Variants in CHL1 observed in about 807,000 individuals in gnomAD.
The protein encoded by CHL1 is neural cell adhesion molecule L1-like protein.
In CHL1, 96 loss-of-function variants were observed where a neutral mutation model predicts 141.9. The ratio of observed to expected loss-of-function variants is 0.68; its 90% CI spans 0.57 to 0.80. The LOEUF (loss-of-function observed/expected upper bound fraction) is 0.80. CHL1 is among the 30% of genes least tolerant of loss of function. The pLI, the probability that CHL1 is intolerant of heterozygous loss-of-function variation, is 0.00. For synonymous variants in CHL1, 613 were observed against 502.2 expected (o/e 1.22, Z -2.95); for missense variants, 1,820 against 1,457.2 (o/e 1.25, Z -4.05).
chr3:363,499 C>A, intron 14 of CHL1, 116 bp downstream of exon 14: 5 of 968,188 alleles, frequency 5.2e-6, no homozygotes, highest in Middle Eastern at 2.8e-4. Flanking sequence ...TTCTTTGAAC[C>A]GTTTTTCAAA....
In CHL1 at chr3:407,787, C is replaced by T. The variant is rs1281910055; in HGVS notation, c.*2076C>T. ...TCAAAAATATTTAGGAATTTAATAACCTTTAAGTCAGAAACTAAAACAAAT... is the reference window on the plus strand; with the variant it reads ...TCAAAAATATTTAGGAATTTAATAATCTTTAAGTCAGAAACTAAAACAAAT... On this transcript the variant is annotated 3_prime_UTR_variant, in exon 28 of 28. Coordinates refer to ENST00000256509, the MANE Select transcript of CHL1 (RefSeq NM_006614.4). 6.6e-6 allele frequency: 1 copy of T among 152,074 alleles called. No homozygotes were observed. The highest frequency in any genetic ancestry group is 1.5e-5 in the Non-Finnish European group (1 of 68,002). The allele number at this position is 152,074 out of a possible 1,614,324, so 9.4% of individuals were successfully genotyped here.
At chr3:332,401 T>G (rs1701510704) in intron 5 of CHL1, among the ~76,000 whole-genome samples, 2 of 152,126 alleles carry the variant, frequency 1.3e-5, no homozygotes, top group African/African-American at 2.4e-5. Context: ...GTAATGGAAG[T>G]AAAAATTGGA....
chr3:333,133 A>ATTTTTTTTTTTTTTTT (rs58730049), intron 5 of CHL1, among the ~76,000 whole-genome samples: 1 of 99,480 alleles, frequency 1.0e-5, no homozygotes, highest in Non-Finnish European at 1.9e-5. Flanking sequence ...TATTTTTTTT[A>ATTTTTTTTTTTTTTTT]TTTTTTTTTT....
intron 15 of CHL1, among the ~76,000 whole-genome samples, chr3:375,910 C>G (rs1482348274): frequency 6.6e-6 from 1 of 152,132 alleles, no homozygotes; most frequent in Non-Finnish European, 1.5e-5. Context: ...GGATATTACT[C>G]AGCTGAACAG....
intron 2 of CHL1, among the ~76,000 whole-genome samples, chr3:290,534 G>T (rs1270320912): frequency 6.6e-6 from 1 of 152,092 alleles, no homozygotes; most frequent in East Asian, 1.9e-4. Context: ...CTTGATTTCT[G>T]TTTGCTTAAT....
Position 366,032 on chromosome 3 carries a change from T to C in CHL1, c.1668T>C (p.Cys556=). The C allele has an allele frequency of 1.2e-6, 2 of 1,613,702 alleles. No homozygotes were observed. The highest frequency in any genetic ancestry group is 1.1e-5 in the South Asian group (1 of 91,064). The change falls in exon 15 of 28, where the codon TGT becomes TGC. Residue 556 remains cysteine (C), a synonymous_variant. Transcript: ENST00000256509. ...HMLELHCESK[C]DSHLKHSLKL... ...TTGAATTACATTGTGAAAGCAAATGTGACTCACATTTGAAACACAGTTTGA... is the reference window on the plus strand; with the variant it reads ...TTGAATTACATTGTGAAAGCAAATGCGACTCACATTTGAAACACAGTTTGA...
rs760894267 is a variant in CHL1 at position 390,736 on chromosome 3, G to A, written c.2506G>A (p.Val836Ile). ...AGCTCCAGTGATCCATGGGGTGGAC[G>A]TTATAAACAGTACATTAGTTAAAGT... ...DTAPVIHGVD[V>I]INSTLVKVTW... is the part of the protein sequence containing the mutation. The change falls in exon 21 of 28, where the codon GTT becomes ATT. Residue 836 changes from valine to isoleucine, a missense_variant. By Grantham distance (29) the Val-to-Ile change is conservative. Coordinates refer to ENST00000256509, the MANE Select transcript of CHL1 (RefSeq NM_006614.4). 9.3e-6 allele frequency: 15 copies of A among 1,609,150 alleles called. No homozygotes were observed. The East Asian group carries it at 1.3e-4, about 14-fold the overall frequency.
At chr3:397,190 A>C (rs1042500378) in intron 24 of CHL1, among the ~76,000 whole-genome samples, 3 of 152,086 alleles carry the variant, frequency 2.0e-5, no homozygotes, top group African/African-American at 7.2e-5. Flanking sequence ...GCACTACTTA[A>C]TGTTATACTA....
intron 2 of CHL1, among the ~76,000 whole-genome samples, chr3:289,834 A>G (rs1161630517): frequency 6.6e-6 from 1 of 151,854 alleles, no homozygotes; most frequent in African/African-American, 2.4e-5. Flanking sequence ...CATTTACTTA[A>G]TACATATTGA....
At chr3:334,602 A>G (rs1295243852) in intron 5 of CHL1, among the ~76,000 whole-genome samples, 1 of 152,230 alleles carries the variant, frequency 6.6e-6, no homozygotes, top group East Asian at 1.9e-4. Context: ...AGTAGCATAT[A>G]TCAGTAGTTT....
intron 5 of CHL1, among the ~76,000 whole-genome samples, chr3:331,560 C>T (rs532504617): frequency 1.3e-5 from 2 of 152,044 alleles, no homozygotes; most frequent in African/African-American, 2.4e-5. Flanking sequence ...TTTCTTTAGT[C>T]ATATTAAAGC....
intron 1 of CHL1, among the ~76,000 whole-genome samples, chr3:239,013 G>C (rs1053124377): frequency 2.0e-5 from 3 of 151,650 alleles, no homozygotes; most frequent in African/African-American, 4.9e-5. Context: ...CACACATGTA[G>C]CTTATATAGC....
chr3:330,765 A>ACG (rs1701375267), intron 5 of CHL1, among the ~76,000 whole-genome samples: 1 of 151,976 alleles, frequency 6.6e-6, no homozygotes, highest in Admixed American at 6.6e-5. Flanking sequence ...GGCAAACTTC[A>ACG]GTAGAAATTA....
At chr3:285,232 A>G (rs539915087) in intron 2 of CHL1, among the ~76,000 whole-genome samples, 9 of 152,374 alleles carry the variant, frequency 5.9e-5, no homozygotes, top group Non-Finnish European at 1.2e-4. Context: ...AATTCTGTAA[A>G]GGGAAGAGAT....
intron 9 of CHL1, among the ~76,000 whole-genome samples, chr3:347,600 G>T (rs1296420623): frequency 2.6e-5 from 4 of 152,166 alleles, no homozygotes; most frequent in African/African-American, 9.7e-5. Flanking sequence ...CTTGCTGAAA[G>T]TGAGTTACTT....
intron 12 of CHL1, among the ~76,000 whole-genome samples, chr3:361,104 AAAAC>A (rs1465311919): frequency 1.3e-5 from 2 of 152,030 alleles, no homozygotes; most frequent in African/African-American, 4.8e-5. Flanking sequence ...AAACCTGAGA[AAAAC>A]AAGCAATGGG....
chr3:235,224 A>G (rs1691850526), intron 1 of CHL1, among the ~76,000 whole-genome samples: 2 of 152,062 alleles, frequency 1.3e-5, no homozygotes, highest in African/African-American at 4.8e-5. Flanking sequence ...GTTTGCTTTA[A>G]AGGTGTACTG....
At chr3:299,837 A>G (rs951996331) in intron 2 of CHL1, among the ~76,000 whole-genome samples, 6 of 152,152 alleles carry the variant, frequency 3.9e-5, no homozygotes, top group African/African-American at 1.4e-4. Context: ...CCCACAGGAA[A>G]AAATAAATCT....
chr3:340,669 C>A (rs1413066505), intron 5 of CHL1, 125 bp from the exon 6 acceptor site: 3 of 754,892 alleles, frequency 4.0e-6, no homozygotes, highest in South Asian at 4.2e-5. Context: ...ATGTAAGAAC[C>A]AGGATCTGTA....
Sources: gnomAD v4.1 joint callset for allele counts (sites outside exome capture counted in the v4.1 genomes callset) on GRCh38, gnomAD v4.1.1 for gene constraint, MANE v1.5 for transcripts, NCBI Gene and HGNC (gene_info 2026-07-23, HGNC 2026-07-21) for gene names.